The following GPR158 variants were observed in gnomAD, a reference collection of about 807,000 sequenced individuals.
GPR158 encodes the protein metabotropic glycine receptor.
A neutral mutation model predicts 78.2 loss-of-function variants in GPR158; 30 were observed. That is an observed-to-expected ratio of 0.38 (90% CI 0.29 to 0.52). GPR158 has a LOEUF of 0.52. Among genes scored for constraint, GPR158 ranks in the 20% least tolerant of loss-of-function variants. The pLI is 0.83. For synonymous variants in GPR158, 581 were observed against 591.1 expected (o/e 0.98, Z 0.25); for missense variants, 1,463 against 1,523.5 (o/e 0.96, Z 0.66).
At chr10:25,440,283 A>C (rs1835050890) in intron 4 of GPR158, among the ~76,000 whole-genome samples, 1 of 152,208 alleles carries the variant, frequency 6.6e-6, no homozygotes, top group Non-Finnish European at 1.5e-5. Flanking sequence ...GCCGAGCTCT[A>C]CTTAGCCTTG....
At chr10:25,338,412 G>A (rs890819738) in intron 2 of GPR158, among the ~76,000 whole-genome samples, 25 of 138,948 alleles carry the variant, frequency 1.8e-4, no homozygotes, top group Non-Finnish European at 2.4e-4. Context: ...TATATATAAC[G>A]TATTATATAT....
intron 2 of GPR158, among the ~76,000 whole-genome samples, chr10:25,323,568 C>T (rs531915702): frequency 6.6e-6 from 1 of 151,736 alleles, no homozygotes; most frequent in East Asian, 1.9e-4. Context: ...GCTCTATTAC[C>T]CAGGCTGGAG....
At chr10:25,227,086 AT>A (rs1564395953) in intron 2 of GPR158, among the ~76,000 whole-genome samples, 1 of 152,082 alleles carries the variant, frequency 6.6e-6, no homozygotes, top group Non-Finnish European at 1.5e-5. Flanking sequence ...AACCGATGGT[AT>A]TTTTTTGAGT....
chr10:25,305,713 C>A (rs60111500), intron 2 of GPR158, among the ~76,000 whole-genome samples: 1 of 151,946 alleles, frequency 6.6e-6, no homozygotes, highest in Admixed American at 6.6e-5. Flanking sequence ...TGTTTTTCCA[C>A]GAGATTAAGA....
At chr10:25,511,252 G>A (rs901473069) in intron 5 of GPR158, among the ~76,000 whole-genome samples, 5 of 152,122 alleles carry the variant, frequency 3.3e-5, no homozygotes, top group African/African-American at 9.7e-5. Flanking sequence ...CAGAAGTAAA[G>A]TGGTATCGCA....
chr10:25,452,581 G>A (rs1460050864), intron 4 of GPR158, among the ~76,000 whole-genome samples: 1 of 152,228 alleles, frequency 6.6e-6, no homozygotes, highest in East Asian at 1.9e-4. Flanking sequence ...CAAAGAAATA[G>A]ATAAAGGGAA....
At chr10:25,490,742 G>T (rs918943330) in intron 5 of GPR158, among the ~76,000 whole-genome samples, 4 of 146,554 alleles carry the variant, frequency 2.7e-5, no homozygotes, top group African/African-American at 7.6e-5. Context: ...GAATAATGCC[G>T]CAATAAACAT....
At chr10:25,459,883 G>C (rs1220957442) in intron 4 of GPR158, among the ~76,000 whole-genome samples, 2 of 152,084 alleles carry the variant, frequency 1.3e-5, no homozygotes, top group African/African-American at 4.8e-5. Context: ...ACCTCCATAA[G>C]TCAGTTCTGA....
intron 7 of GPR158, among the ~76,000 whole-genome samples, chr10:25,573,656 CAGTA>C (rs1564494135): frequency 1.3e-5 from 2 of 152,206 alleles, no homozygotes; most frequent in Non-Finnish European, 2.9e-5. Context: ...TTGTTCCCCT[CAGTA>C]AGCCACAGGA....
intron 4 of GPR158, among the ~76,000 whole-genome samples, chr10:25,450,343 T>C (rs1835197986): frequency 6.6e-6 from 1 of 150,714 alleles, no homozygotes; most frequent in Admixed American, 6.6e-5. Context: ...ATGCTCTCCA[T>C]CTTCAGGGAT....
chr10:25,566,800 GT>G (rs1836935153), intron 6 of GPR158, among the ~76,000 whole-genome samples: 1 of 132,024 alleles, frequency 7.6e-6, no homozygotes, highest in East Asian at 3.1e-4. Context: ...TGACCAAGAA[GT>G]AACTTTACTT....
intron 2 of GPR158, among the ~76,000 whole-genome samples, chr10:25,328,664 T>G (rs1375368226): frequency 1.3e-5 from 2 of 151,968 alleles, no homozygotes; most frequent in Non-Finnish European, 2.9e-5. Context: ...TGGTACCTCA[T>G]GCCTGTAATC....
chr10:25,409,642 A>G (rs1834559676), intron 3 of GPR158, among the ~76,000 whole-genome samples: 2 of 152,222 alleles, frequency 1.3e-5, no homozygotes, highest in South Asian at 2.1e-4. Flanking sequence ...AAGAGATATC[A>G]AATATTCTTA....
intron 5 of GPR158, among the ~76,000 whole-genome samples, chr10:25,485,053 C>G (rs1362600084): frequency 2.0e-5 from 3 of 151,688 alleles, no homozygotes; most frequent in Non-Finnish European, 1.5e-5. Flanking sequence ...GGTGAACAAT[C>G]TGACCTAAGA....
At chr10:25,353,715 T>G (rs953472618) in intron 2 of GPR158, among the ~76,000 whole-genome samples, 5 of 152,218 alleles carry the variant, frequency 3.3e-5, no homozygotes, top group Middle Eastern at 3.4e-3. Context: ...TGGAATATCT[T>G]TTTCTACCCC....
chr10:25,390,910 G>A (rs1012316605), intron 2 of GPR158, among the ~76,000 whole-genome samples: 2 of 152,176 alleles, frequency 1.3e-5, no homozygotes, highest in African/African-American at 4.8e-5. Context: ...GGAGAAAATG[G>A]TTTCGTGGGC....
intron 1 of GPR158, among the ~76,000 whole-genome samples, chr10:25,213,965 G>T (rs1030791887): frequency 1.3e-5 from 2 of 151,874 alleles, no homozygotes; most frequent in African/African-American, 4.8e-5. Context: ...TTTGCATATT[G>T]TCTCTTTAAT....
intron 2 of GPR158, among the ~76,000 whole-genome samples, chr10:25,321,405 C>A (rs1854946579): frequency 6.6e-6 from 1 of 152,060 alleles, no homozygotes; most frequent in Non-Finnish European, 1.5e-5. Flanking sequence ...AACACGAAGA[C>A]CTCTACTAAT....
intron 7 of GPR158, among the ~76,000 whole-genome samples, chr10:25,578,315 A>G (rs1465073656): frequency 6.6e-6 from 1 of 152,198 alleles, no homozygotes; most frequent in Non-Finnish European, 1.5e-5. Context: ...TAGGATCTTG[A>G]AAAATATTTG....
Sources: gnomAD v4.1 joint callset for allele counts (sites outside exome capture counted in the v4.1 genomes callset) on GRCh38, gnomAD v4.1.1 for gene constraint, MANE v1.5 for transcripts, NCBI Gene and HGNC (gene_info 2026-07-23, HGNC 2026-07-21) for gene names.